Variants in PTPRN2 observed in about 807,000 individuals in gnomAD.
PTPRN2 encodes the protein receptor-type tyrosine-protein phosphatase N2.
Under a neutral mutation model 118.8 loss-of-function variants are expected in PTPRN2, and 74 were observed. That is an observed-to-expected ratio of 0.62 (90% CI 0.52 to 0.76). The LOEUF (loss-of-function observed/expected upper bound fraction) is 0.76. Ranked by LOEUF, PTPRN2 falls within the 30% of genes least tolerant of loss-of-function variation. The pLI, the probability that PTPRN2 is intolerant of heterozygous loss-of-function variation, is 0.00. For missense variants in PTPRN2, 1,481 were observed against 1,394.4 expected (o/e 1.06, Z -0.99); for synonymous variants, 641 against 608.0 (o/e 1.05, Z -0.80).
At position 158,071,729 on chromosome 7, in the gene PTPRN2, CGTG is replaced by C. The variant is rs1355479082; in HGVS notation, c.1723+9566_1723+9568del. Among the ~76,000 whole-genome samples the C allele has an allele frequency of 1.1e-3, 111 of 98,028 alleles. 1 individual carries two copies. Among genetic ancestry groups the C allele is most frequent in the Middle Eastern group, 7.4e-3 (1 of 136 alleles). 64.3% of individuals were successfully genotyped at this position (98,028 alleles called of 152,430 possible). ...AGGTGCTCCTGGTGGTGGAGGTGCTCGTGGTGGTGGAGGTGCTCATGGTGGAGG... is the reference window on the plus strand; with the variant it reads ...AGGTGCTCCTGGTGGTGGAGGTGCTCGTGGTGGAGGTGCTCATGGTGGAGG... On this transcript the variant is annotated intron_variant, in intron 11 of 22. Coordinates refer to ENST00000389418, the MANE Select transcript of PTPRN2 (RefSeq NM_002847.5).
chr7:157,738,652 G>A (rs771293563), intron 12 of PTPRN2, among the ~76,000 whole-genome samples: 34 of 152,214 alleles, frequency 2.2e-4, no homozygotes, highest in Middle Eastern at 3.2e-3. Context: ...CATTGAAGTC[G>A]TCATCACGGC....
chr7:157,991,987 G>A (rs1034460577), intron 11 of PTPRN2, among the ~76,000 whole-genome samples: 1 of 152,222 alleles, frequency 6.6e-6, no homozygotes, highest in Non-Finnish European at 1.5e-5. Context: ...CACAGGCACA[G>A]CCCAGACATG....
intron 12 of PTPRN2, among the ~76,000 whole-genome samples, chr7:157,796,977 A>T (rs902103356): frequency 1.3e-5 from 2 of 152,168 alleles, no homozygotes; most frequent in Non-Finnish European, 2.9e-5. Context: ...AACAGCAAAG[A>T]GTGATCTGCC....
At chr7:157,669,124 C>T (rs1314264916) in intron 13 of PTPRN2, among the ~76,000 whole-genome samples, 4 of 152,170 alleles carry the variant, frequency 2.6e-5, no homozygotes, top group African/African-American at 9.7e-5. Context: ...GCTCCGGGGT[C>T]TGGGTGCATC....
chr7:158,337,461 C>T (rs1563167709), intron 2 of PTPRN2, among the ~76,000 whole-genome samples: 2 of 147,334 alleles, frequency 1.4e-5, no homozygotes, highest in Non-Finnish European at 3.0e-5. Flanking sequence ...TCACTCAAAC[C>T]CACACTCTCA....
intron 12 of PTPRN2, among the ~76,000 whole-genome samples, chr7:157,840,627 A>G (rs569319710): frequency 6.6e-6 from 1 of 151,846 alleles, no homozygotes; most frequent in African/African-American, 2.4e-5. Context: ...TGTTGGGGGG[A>G]AGTTGGAATT....
chr7:158,389,908 G>GGC (rs1177964987), intron 2 of PTPRN2, among the ~76,000 whole-genome samples: 4 of 152,236 alleles, frequency 2.6e-5, no homozygotes, highest in Non-Finnish European at 5.9e-5. Flanking sequence ...GCAGGGCCCT[G>GGC]GCCCAAGACG....
chr7:158,172,839 C>G (rs139017835), intron 5 of PTPRN2, among the ~76,000 whole-genome samples: 687 of 145,960 alleles, frequency 4.7e-3, no homozygotes, highest in Admixed American at 6.1e-3. Flanking sequence ...AGCATCCCCA[C>G]CATCATCAAC....
At chr7:157,911,128 A>G (rs1164193630) in intron 11 of PTPRN2, among the ~76,000 whole-genome samples, 2 of 152,186 alleles carry the variant, frequency 1.3e-5, no homozygotes, top group South Asian at 2.1e-4. Context: ...GAGGCTATCC[A>G]TGAAGATCGG....
At chr7:157,971,563 G>A (rs890306838) in intron 11 of PTPRN2, among the ~76,000 whole-genome samples, 14 of 152,234 alleles carry the variant, frequency 9.2e-5, no homozygotes, top group Non-Finnish European at 1.3e-4. Flanking sequence ...CCCCTGGAAC[G>A]TTCCCCAGCA....
intron 1 of PTPRN2, among the ~76,000 whole-genome samples, chr7:158,496,316 C>T (rs1821849580): frequency 8.9e-6 from 1 of 112,476 alleles, no homozygotes; most frequent in Non-Finnish European, 1.9e-5. Flanking sequence ...CAGCGTCCCC[C>T]TTTCCTGTGG....
Position 157,585,661 on chromosome 7 carries a change from A to G in PTPRN2, c.2497-7521T>C, listed in dbSNP as rs552956855. Among the ~76,000 whole-genome samples, 9 of 152,294 alleles carry G rather than the reference A, an allele frequency of 5.9e-5. No homozygotes were observed. The highest frequency in any genetic ancestry group is 4.6e-4 in the Admixed American group (7 of 15,296). ...TGGTCTCCTTGCGGGGAGCTGCTGC[A>G]CTGGGCGGCCTTTCCTTTTCAAGAT... On this transcript the variant is annotated intron_variant, in intron 17 of 22. Transcript: ENST00000389418. The surrounding 1 kb of genome is among the most constrained non-coding windows in gnomAD (Gnocchi z 5.2).
intron 13 of PTPRN2, among the ~76,000 whole-genome samples, chr7:157,679,347 A>G (rs538062661): frequency 1.4e-4 from 22 of 152,246 alleles, no homozygotes; most frequent in Admixed American, 3.9e-4. Context: ...TAATACACCC[A>G]ATTTTTGCTC....
At chr7:158,197,871 G>A (rs1380735036) in intron 4 of PTPRN2, among the ~76,000 whole-genome samples, 2 of 152,152 alleles carry the variant, frequency 1.3e-5, no homozygotes, top group Non-Finnish European at 2.9e-5. Context: ...CCCATGACAC[G>A]TGCAGATTAT....
chr7:158,268,786 C>A (rs922546710), intron 3 of PTPRN2, among the ~76,000 whole-genome samples: 3 of 126,526 alleles, frequency 2.4e-5, no homozygotes, highest in African/African-American at 6.4e-5. Flanking sequence ...CAGCCGCACA[C>A]ACACAGGGCG....
intron 12 of PTPRN2, among the ~76,000 whole-genome samples, chr7:157,695,101 T>G (rs1339571596): frequency 6.6e-6 from 1 of 152,142 alleles, no homozygotes; most frequent in Non-Finnish European, 1.5e-5. Context: ...AAACCTAATG[T>G]TCTGTGATAA....
intron 2 of PTPRN2, among the ~76,000 whole-genome samples, chr7:158,380,033 C>T (rs1048583223): frequency 3.3e-5 from 5 of 152,104 alleles, no homozygotes; most frequent in South Asian, 2.1e-4. Flanking sequence ...CCCTATGATT[C>T]GATTACCTTC....
At position 158,540,692 on chromosome 7, in the gene PTPRN2, G is replaced by GT. The variant is rs150021767; in HGVS notation, c.112+46865dup. Among the ~76,000 whole-genome samples the GT allele has an allele frequency of 1.2e-3, 187 of 152,348 alleles. 4 individuals carry two copies. The East Asian group carries it at 0.03, about 25-fold the overall frequency. ...GGGTGGGGTCGCCCCAGGGCCCACCGTGTGTGTCTGCATGGAGGAAGCTCT... is the reference window on the plus strand; with the variant it reads ...GGGTGGGGTCGCCCCAGGGCCCACCGTTGTGTGTCTGCATGGAGGAAGCTCT... On this transcript the variant is annotated intron_variant, in intron 1 of 22. Transcript: ENST00000389418.
intron 11 of PTPRN2, among the ~76,000 whole-genome samples, chr7:157,941,490 C>T (rs1334340336): frequency 6.6e-6 from 1 of 151,650 alleles, no homozygotes; most frequent in African/African-American, 2.4e-5. Flanking sequence ...CCCTCCGTGA[C>T]ACTGCAAATC....
Sources: gnomAD v4.1 joint callset for allele counts (sites outside exome capture counted in the v4.1 genomes callset) on GRCh38, gnomAD v4.1.1 for gene constraint, Gnocchi (gnomAD v3.1) non-coding constraint, MANE v1.5 for transcripts, NCBI Gene and HGNC (gene_info 2026-07-23, HGNC 2026-07-21) for gene names.